The following PARP11 variants were observed in gnomAD, a reference collection of about 807,000 sequenced individuals.
PARP11 encodes the protein poly(ADP-ribose) polymerase family member 11.
PARP11 carries 31 observed loss-of-function variants against 42.9 expected under a neutral mutation model. The observed-to-expected ratio is 0.72, with a 90% CI of 0.54 to 0.98. PARP11 has a LOEUF of 0.98. PARP11 is among the 50% of genes least tolerant of loss of function. PARP11 has a pLI of 0.00. For synonymous variants in PARP11, 137 were observed against 127.3 expected (o/e 1.08, Z -0.51); for missense variants, 365 against 413.1 (o/e 0.88, Z 1.01).
intron 1 of PARP11, among the ~76,000 whole-genome samples, chr12:3,854,464 A>C (rs1245256151): frequency 6.6e-6 from 1 of 152,220 alleles, no homozygotes; most frequent in Non-Finnish European, 1.5e-5. Flanking sequence ...ATCACCACTG[A>C]TCCCACAGAA....
At chr12:3,834,304 G>C (rs148747146) in intron 1 of PARP11, among the ~76,000 whole-genome samples, 1 of 152,142 alleles carries the variant, frequency 6.6e-6, no homozygotes, top group Non-Finnish European at 1.5e-5. Context: ...ACTTTATTTG[G>C]AACAGAGAGC....
In PARP11 at chr12:3,814,093, C is replaced by A. The variant is rs1252939337; in HGVS notation, c.644G>T (p.Cys215Phe). 6.2e-7 allele frequency: 1 copy of A among 1,608,654 alleles called. No homozygotes were observed. Among genetic ancestry groups the A allele is most frequent in the African/African-American group, 1.3e-5 (1 of 74,822 alleles). The change falls in exon 7 of 8, where the codon TGC becomes TTC. Residue 215 changes from cysteine to phenylalanine, a missense_variant. Cys to Phe is a radical substitution (Grantham distance 205). Coordinates refer to ENST00000228820, the MANE Select transcript of PARP11 (RefSeq NM_020367.6). ...GTSSEFVEAI[C>F]IHNFDWRING... Reference sequence around the variant, plus strand: ...TATTCTCCAATCAAAGTTATGAATGCAGATTGCTTCCACAAATTCACTGCT... The same window carrying A: ...TATTCTCCAATCAAAGTTATGAATGAAGATTGCTTCCACAAATTCACTGCT...
Position 3,811,105 on chromosome 12 carries a change from T to G in PARP11, c.*1018A>C, listed in dbSNP as rs1052021317. On this transcript the variant is annotated 3_prime_UTR_variant, in exon 8 of 8. Transcript: ENST00000228820. ...AATTATATCTAACTTTTCAAGAGAGTAGGTTGTCAACAGCTACTTCAAAGG... is the reference window on the plus strand; with the variant it reads ...AATTATATCTAACTTTTCAAGAGAGGAGGTTGTCAACAGCTACTTCAAAGG... The G allele has an allele frequency of 1.3e-5, 2 of 151,872 alleles. No individual in the cohort carries two copies. The highest frequency in any genetic ancestry group is 1.5e-5 in the Non-Finnish European group (1 of 67,960). 9.4% of individuals were successfully genotyped at this position (151,872 alleles called of 1,614,324 possible).
chr12:3,854,454 A>T (rs757029717), intron 1 of PARP11, among the ~76,000 whole-genome samples: 1 of 152,216 alleles, frequency 6.6e-6, no homozygotes, highest in Non-Finnish European at 1.5e-5. Flanking sequence ...TAAAGGGGAT[A>T]TCACCACTGA....
At chr12:3,866,107 A>AAAAC (rs200533980) in intron 1 of PARP11, among the ~76,000 whole-genome samples, 3 of 152,190 alleles carry the variant, frequency 2.0e-5, no homozygotes, top group South Asian at 2.1e-4. Flanking sequence ...TCATCACTTA[A>AAAAC]AAACAAACAA....
chr12:3,820,598 G>T (rs945885713), intron 6 of PARP11, among the ~76,000 whole-genome samples: 2 of 152,026 alleles, frequency 1.3e-5, no homozygotes, highest in Non-Finnish European at 2.9e-5. Flanking sequence ...CAAGTTATGG[G>T]GGAGACCAAT....
intron 4 of PARP11, 112 bp from the exon 5 acceptor site, chr12:3,822,269 C>A (rs1012796306): frequency 2.6e-6 from 2 of 771,490 alleles, no homozygotes; most frequent in Non-Finnish European, 4.3e-6. Flanking sequence ...GTGACAAATG[C>A]AATTAAATAC....
At chr12:3,847,218 C>T (rs373453922) in intron 1 of PARP11, among the ~76,000 whole-genome samples, 9 of 152,266 alleles carry the variant, frequency 5.9e-5, no homozygotes, top group East Asian at 5.8e-4. Flanking sequence ...GACCTGATGG[C>T]TTCACTGCTG....
At position 3,814,143 on chromosome 12, in the gene PARP11, A is replaced by G; in HGVS notation, c.594T>C (p.Asn198=). The stretch of plus-strand genomic sequence containing the variant: ...TGGTACCATGAAACAGCATTTGTTC[A>G]TTAATCTGAGGCACACCTCTTTTTT... ...LKKKRGVPQI[N]EQMLFHGTSS... is the part of the protein sequence containing the mutation. Residue 198 remains asparagine (N), a synonymous_variant, in exon 7 of 8, where the codon AAT becomes AAC. Transcript: ENST00000228820. The G allele has an allele frequency of 1.2e-6, 2 of 1,608,820 alleles. No homozygotes were observed. The highest frequency in any genetic ancestry group is 1.7e-6 in the Non-Finnish European group (2 of 1,176,766).
chr12:3,809,093 T>C lies in PARP11; in HGVS notation c.*3030A>G, dbSNP rs992618696. The C allele has an allele frequency of 2.6e-5, 4 of 152,200 alleles. No individual in the cohort carries two copies. Among genetic ancestry groups the C allele is most frequent in the South Asian group, 2.1e-4 (1 of 4,828 alleles). 9.4% of individuals were successfully genotyped at this position (152,200 alleles called of 1,614,324 possible). A position where few individuals can be genotyped will look rare whatever the true frequency, so the allele number is the denominator to read the frequency against. ...TCATTATCAGCTGGAATGTATTCAA[T>C]ATAGAGTTTTAAAAACCATTTATCA... On this transcript the variant is annotated 3_prime_UTR_variant, in exon 8 of 8. Transcript: ENST00000228820.
intron 1 of PARP11, among the ~76,000 whole-genome samples, chr12:3,871,340 C>T (rs1466885560): frequency 6.6e-6 from 1 of 152,318 alleles, no homozygotes; most frequent in East Asian, 1.9e-4. Flanking sequence ...ATCGCATATA[C>T]AAGTGGTCCC....
At chr12:3,835,947 C>T (rs571703990) in intron 1 of PARP11, among the ~76,000 whole-genome samples, 9 of 151,602 alleles carry the variant, frequency 5.9e-5, no homozygotes, top group Non-Finnish European at 1.0e-4. Flanking sequence ...GTATCAGAAG[C>T]GGAGGAGAGA....
intron 4 of PARP11, among the ~76,000 whole-genome samples, chr12:3,825,452 A>C (rs1337314205): frequency 1.3e-5 from 2 of 152,212 alleles, no homozygotes; most frequent in Non-Finnish European, 2.9e-5. Flanking sequence ...ATGTAGGTGG[A>C]AACAAAGTGA....
At chr12:3,856,469 T>C (rs1223803976) in intron 1 of PARP11, among the ~76,000 whole-genome samples, 1 of 152,120 alleles carries the variant, frequency 6.6e-6, no homozygotes, top group Non-Finnish European at 1.5e-5. Flanking sequence ...AGGATATGAA[T>C]AGACACTTTT....
At position 3,873,399 on chromosome 12, in the gene PARP11, C is replaced by G; in HGVS notation, c.-170G>C. On this transcript the variant is annotated 5_prime_UTR_variant, in exon 1 of 8. Coordinates refer to ENST00000228820, the MANE Select transcript of PARP11 (RefSeq NM_020367.6). ...CTGTCACAAGCCAGCGTTTACAGAC[C>G]ACCCAACCTCCCGACTTCCGCCCGA... 1.5e-6 allele frequency: 1 copy of G among 653,988 alleles called. No homozygotes were observed. Among genetic ancestry groups the G allele is most frequent in the South Asian group, 1.8e-5 (1 of 54,840 alleles). 40.5% of individuals were successfully genotyped at this position (653,988 alleles called of 1,614,324 possible). A position where few individuals can be genotyped will look rare whatever the true frequency, so the allele number is the denominator to read the frequency against.
chr12:3,865,599 A>G (rs1359497222), intron 1 of PARP11, among the ~76,000 whole-genome samples: 11 of 152,166 alleles, frequency 7.2e-5, no homozygotes, highest in Non-Finnish European at 1.0e-4. Flanking sequence ...TCATTAAGAA[A>G]TGACATTCTT....
rs138402085 is a variant in PARP11 at position 3,841,533 on chromosome 12, G to A, written c.19-11515C>T. 9.6e-4 allele frequency: 1,535 copies of A among 1,595,326 alleles called. 25 individuals carry two copies. In the East Asian group the frequency reaches 0.027, roughly 28 times the overall value. On this transcript the variant is annotated intron_variant, in intron 1 of 7. Transcript: ENST00000228820. ...AAATGCTACAGCCAGTGATTGGACCGCCGACATTTTCTTCACCTCTGGTTA... is the reference window on the plus strand; with the variant it reads ...AAATGCTACAGCCAGTGATTGGACCACCGACATTTTCTTCACCTCTGGTTA...
At chr12:3,824,432 T>G (rs1460715487) in intron 4 of PARP11, 1 of 164,392 alleles carries the variant, frequency 6.1e-6, no homozygotes, top group East Asian at 1.9e-4. Flanking sequence ...TTTTTAGTTT[T>G]TATGTAGTCA....
intron 6 of PARP11, among the ~76,000 whole-genome samples, chr12:3,817,750 G>A (rs904665068): frequency 6.6e-6 from 1 of 152,164 alleles, no homozygotes; most frequent in Non-Finnish European, 1.5e-5. Flanking sequence ...CTCTGCACTG[G>A]AGCAAGAATA....
Sources: allele counts gnomAD v4.1 joint callset (sites outside exome capture counted in the v4.1 genomes callset), GRCh38; gene constraint gnomAD v4.1.1; transcripts MANE v1.5; gene names NCBI Gene and HGNC (gene_info 2026-07-23, HGNC 2026-07-21).